Variants in ZNF738 observed in about 807,000 individuals in gnomAD.
ZNF738 encodes the protein zinc finger protein 738.
In ZNF738, 10 loss-of-function variants were observed where a neutral mutation model predicts 9.2. The observed-to-expected ratio is 1.09, with a 90% CI of 0.67 to 1.85. The LOEUF (loss-of-function observed/expected upper bound fraction) is 1.85, where lower values mean the gene tolerates loss of function less well. ZNF738 is among the 40% of genes most tolerant of loss of function. The pLI is 0.00. For missense variants in ZNF738, 346 were observed against 283.6 expected, an observed-to-expected ratio of 1.22 and a Z score of -1.58; for synonymous variants, 113 against 94.5, an observed-to-expected ratio of 1.20 and a Z score of -1.14.
chr19:21,375,464 C>T (rs116953711), intron 3 of ZNF738, 100 bp downstream of exon 3: 8,255 of 549,816 alleles, frequency 0.015, 99 homozygotes, highest in Middle Eastern at 0.024. Flanking sequence ...TGCATAAATG[C>T]GTTTCTGATC....
In ZNF738 at chr19:21,361,131, G is replaced by T. The variant is rs577246166; in HGVS notation, c.4-635G>T. ...GCCCTGCATAAATGGTGTTTTGGGG[G>T]TTTTTTTGTTTGTTTTTTGTTTTGA... On this transcript the variant is annotated intron_variant, in intron 1 of 4. Coordinates refer to ENST00000683779, the MANE Select transcript of ZNF738 (RefSeq NM_001355237.2). Among the ~76,000 whole-genome samples the T allele has an allele frequency of 1.3e-3, 196 of 149,404 alleles. 2 individuals carry two copies. Among genetic ancestry groups the T allele is most frequent in the Middle Eastern group, 3.5e-3 (1 of 286 alleles).
At chr19:21,376,422 C>T (rs1473795650) in intron 4 of ZNF738, 2 of 152,648 alleles carry the variant, frequency 1.3e-5, no homozygotes, top group African/African-American at 4.8e-5. Context: ...ATTTTCTGCA[C>T]ATTCCATCTT....
chr19:21,360,954 A>G (rs1973680411), intron 1 of ZNF738, among the ~76,000 whole-genome samples: 1 of 151,056 alleles, frequency 6.6e-6, no homozygotes, highest in South Asian at 2.1e-4. Flanking sequence ...AGCTGGGTTT[A>G]CAGGCATGCA....
chr19:21,366,714 AG>A (rs1435771847), intron 2 of ZNF738, among the ~76,000 whole-genome samples: 1 of 152,202 alleles, frequency 6.6e-6, no homozygotes, highest in Non-Finnish European at 1.5e-5. Flanking sequence ...GCTAAATAAA[AG>A]GTGGATTATT....
At chr19:21,362,295 G>A (rs1337817859) in intron 2 of ZNF738, among the ~76,000 whole-genome samples, 1 of 151,996 alleles carries the variant, frequency 6.6e-6, no homozygotes, top group Non-Finnish European at 1.5e-5. Flanking sequence ...AAAAGAAAAA[G>A]AGTAAAAAAC....
At chr19:21,361,581 C>A (rs554784589) in intron 1 of ZNF738, among the ~76,000 whole-genome samples, 185 bp from the exon 2 acceptor site, 1 of 152,134 alleles carries the variant, frequency 6.6e-6, no homozygotes, top group African/African-American at 2.4e-5. Flanking sequence ...GAGATGTTAT[C>A]GGAATTTTTT....
At chr19:21,371,941 T>TTTTTTTC (rs1973862330) in intron 2 of ZNF738, 1 of 152,324 alleles carries the variant, frequency 6.6e-6, no homozygotes, top group Non-Finnish European at 1.5e-5. Context: ...GATTTAACTT[T>TTTTTTTC]TTTTTTCTTT....
chr19:21,375,454 T>A, intron 3 of ZNF738, 90 bp downstream of exon 3: 1 of 583,214 alleles, frequency 1.7e-6, no homozygotes, highest in Non-Finnish European at 3.1e-6. Context: ...GTTTATGCTT[T>A]GCATAAATGC....
Position 21,384,199 on chromosome 19 carries a change from A to G in ZNF738, c.*525A>G. The G allele has an allele frequency of 7.3e-7, 1 of 1,370,772 alleles. No homozygotes were observed. The highest frequency in any genetic ancestry group is 1.7e-5 in the Admixed American group (1 of 57,972). The allele number at this position is 1,370,772 out of a possible 1,614,324, so 84.9% of individuals were successfully genotyped here. A position where few individuals can be genotyped will look rare whatever the true frequency, so the allele number is the denominator to read the frequency against. The stretch of plus-strand genomic sequence containing the variant: ...GAATGTGGCAAAGCTTTTAACTGGT[A>G]CTCACGCCTTACTACACATAAGAGA... On this transcript the variant is annotated 3_prime_UTR_variant, in exon 5 of 5. Coordinates refer to ENST00000683779, the MANE Select transcript of ZNF738 (RefSeq NM_001355237.2).
At chr19:21,370,538 A>G (rs1028597961) in intron 2 of ZNF738, among the ~76,000 whole-genome samples, 5 of 152,080 alleles carry the variant, frequency 3.3e-5, no homozygotes, top group Non-Finnish European at 4.4e-5. Context: ...TGGGTAGGCT[A>G]TTTATTTCTA....
At position 21,384,094 on chromosome 19, in the gene ZNF738, G is replaced by A; in HGVS notation, c.*420G>A. 4 of 1,556,712 alleles carry A rather than the reference G, an allele frequency of 2.6e-6. No individual in the cohort carries two copies. Among genetic ancestry groups the A allele is most frequent in the Non-Finnish European group, 3.5e-6 (4 of 1,131,898 alleles). ...GAGAAACCCTACAAATGTGAAGAAT[G>A]TGGCAAAGCTTTCTACCGATTATCT... On this transcript the variant is annotated 3_prime_UTR_variant, in exon 5 of 5. Coordinates refer to ENST00000683779, the MANE Select transcript of ZNF738 (RefSeq NM_001355237.2).
Position 21,384,232 on chromosome 19 carries a change from C to G in ZNF738, c.*558C>G. On this transcript the variant is annotated 3_prime_UTR_variant, in exon 5 of 5. Coordinates refer to ENST00000683779, the MANE Select transcript of ZNF738 (RefSeq NM_001355237.2). The stretch of plus-strand genomic sequence containing the variant: ...CTTACTACACATAAGAGAATTCATA[C>G]TGGTGAGAAACCCTACAAATGTGAA... 1 of 1,412,216 alleles carries G rather than the reference C, an allele frequency of 7.1e-7. No individual in the cohort carries two copies. Among genetic ancestry groups the G allele is most frequent in the Admixed American group, 1.7e-5 (1 of 58,932 alleles). 87.5% of individuals were successfully genotyped at this position (1,412,216 alleles called of 1,614,324 possible).
Position 21,388,205 on chromosome 19 carries a change from A to G in ZNF738, c.*4531A>G, listed in dbSNP as rs1042037595. Among the ~76,000 whole-genome samples the G allele has an allele frequency of 3.3e-5, 5 of 152,200 alleles. No individual in the cohort carries two copies. Among genetic ancestry groups the G allele is most frequent in the African/African-American group, 7.2e-5 (3 of 41,472 alleles). On this transcript the variant is annotated 3_prime_UTR_variant, in exon 5 of 5. Coordinates refer to ENST00000683779, the MANE Select transcript of ZNF738 (RefSeq NM_001355237.2). ...GCAGAGTAATAACTACATTCTAAGTATACTTTATTTCTTGAAAAAATTACA... is the reference window on the plus strand; with the variant it reads ...GCAGAGTAATAACTACATTCTAAGTGTACTTTATTTCTTGAAAAAATTACA...
rs1401498196 is a variant in ZNF738 at position 21,387,736 on chromosome 19, G to A, written c.*4062G>A. 1.3e-5 allele frequency among the ~76,000 whole-genome samples: 2 copies of A among 152,118 alleles called. No individual in the cohort carries two copies. Among genetic ancestry groups the A allele is most frequent in the African/African-American group, 4.8e-5 (2 of 41,420 alleles). On this transcript the variant is annotated 3_prime_UTR_variant, in exon 5 of 5. Coordinates refer to ENST00000683779, the MANE Select transcript of ZNF738 (RefSeq NM_001355237.2). ...TTTCAGAAAAATATAACCCTTTAAA[G>A]TGAAGAAGAGAATTTATATTGAAGA...
intron 1 of ZNF738, among the ~76,000 whole-genome samples, 164 bp downstream of exon 1, chr19:21,359,307 C>A (rs1289869042): frequency 6.6e-6 from 1 of 152,216 alleles, no homozygotes; most frequent in Non-Finnish European, 1.5e-5. Flanking sequence ...CATAAGATGG[C>A]GGTTGCGCCG....
Position 21,384,032 on chromosome 19 carries a change from C to G in ZNF738, c.*358C>G. 3.9e-6 allele frequency: 6 copies of G among 1,542,174 alleles called. No individual in the cohort carries two copies. The highest frequency in any genetic ancestry group is 5.4e-6 in the Non-Finnish European group (6 of 1,119,466). ...AATGTGGCAAAGCTTTCTACCGATTCATTTACCTTACTACACATAAGAGAA... is the reference window on the plus strand; with the variant it reads ...AATGTGGCAAAGCTTTCTACCGATTGATTTACCTTACTACACATAAGAGAA... On this transcript the variant is annotated 3_prime_UTR_variant, in exon 5 of 5. Coordinates refer to ENST00000683779, the MANE Select transcript of ZNF738 (RefSeq NM_001355237.2).
At chr19:21,363,885 T>TAAA (rs71176862) in intron 2 of ZNF738, among the ~76,000 whole-genome samples, 1 of 141,332 alleles carries the variant, frequency 7.1e-6, no homozygotes, top group Non-Finnish European at 1.5e-5. Context: ...AGACTCCATT[T>TAAA]AAAAAAAAAA....
Position 21,362,769 on chromosome 19 carries a change from TA to T in ZNF738, c.96+912del, listed in dbSNP as rs545579962. ...ACCTTTTTCTTTCCCAGAGTGAGTT[TA>T]CAAGTTTTCTCAGGTGTAGCTTTTA... On this transcript the variant is annotated intron_variant, in intron 2 of 4. Coordinates refer to ENST00000683779, the MANE Select transcript of ZNF738 (RefSeq NM_001355237.2). Among the ~76,000 whole-genome samples the T allele has an allele frequency of 1.4e-4, 22 of 152,324 alleles. No individual in the cohort carries two copies. The East Asian group carries it at 3.1e-3, about 21-fold the overall frequency.
intron 2 of ZNF738, among the ~76,000 whole-genome samples, chr19:21,364,750 T>C (rs867488836): frequency 0.013 from 1,910 of 147,166 alleles, 47 homozygotes; most frequent in African/African-American, 0.041. Flanking sequence ...TTCTTTTTTT[T>C]TTTTTTTTTT....
Sources: gnomAD v4.1 joint callset for allele counts (sites outside exome capture counted in the v4.1 genomes callset) on GRCh38, gnomAD v4.1.1 for gene constraint, MANE v1.5 for transcripts, NCBI Gene and HGNC (gene_info 2026-07-23, HGNC 2026-07-21) for gene names.